SPATS2L: variants seen among roughly 807,000 people sequenced by gnomAD.
SPATS2L encodes spermatogenesis associated serine rich 2 like.
A neutral mutation model predicts 59.6 loss-of-function variants in SPATS2L; 30 were observed. That is an observed-to-expected ratio of 0.50 (90% CI 0.38 to 0.68). The LOEUF (loss-of-function observed/expected upper bound fraction) is 0.68, where lower values mean the gene tolerates loss of function less well. SPATS2L is among the 30% of genes least tolerant of loss of function. The pLI is 0.00. For missense variants in SPATS2L, 615 were observed against 700.0 expected, an observed-to-expected ratio of 0.88 and a Z score of 1.37; for synonymous variants, 252 against 263.5, an observed-to-expected ratio of 0.96 and a Z score of 0.42.
intron 12 of SPATS2L, 74 bp from the exon 13 acceptor site, chr2:200,477,562 G>T: frequency 1.0e-5 from 9 of 858,334 alleles, no homozygotes; most frequent in South Asian, 5.7e-5. Flanking sequence ...TTAGAGATTT[G>T]GTTTTCCTGA....
intron 8 of SPATS2L, among the ~76,000 whole-genome samples, chr2:200,456,599 A>G (rs1240053981): frequency 6.6e-6 from 1 of 152,210 alleles, no homozygotes; most frequent in Non-Finnish European, 1.5e-5. Flanking sequence ...TTGATCAACA[A>G]AAGTGTTACG....
intron 2 of SPATS2L, among the ~76,000 whole-genome samples, chr2:200,349,487 A>C (rs187353067): frequency 2.0e-5 from 3 of 152,334 alleles, no homozygotes; most frequent in Admixed American, 2.0e-4. Flanking sequence ...AGTACAAAAA[A>C]ATTAGCCGAA....
chr2:200,369,221 C>T (rs368525965), intron 2 of SPATS2L, among the ~76,000 whole-genome samples: 11 of 152,108 alleles, frequency 7.2e-5, no homozygotes, highest in African/African-American at 2.2e-4. Flanking sequence ...TGCAGTGGTG[C>T]GATCTCAGCC....
intron 8 of SPATS2L, among the ~76,000 whole-genome samples, chr2:200,458,733 TAA>T (rs71022320): frequency 1.2e-4 from 18 of 148,708 alleles, no homozygotes; most frequent in East Asian, 2.0e-4. Context: ...AACACACTGT[TAA>T]AAAAAAAAAA....
intron 1 of SPATS2L, among the ~76,000 whole-genome samples, chr2:200,321,913 A>T (rs1377066867): frequency 1.3e-5 from 2 of 152,188 alleles, no homozygotes; most frequent in African/African-American, 4.8e-5. Context: ...TCACAGAGAG[A>T]TAGTGGTGGT....
At chr2:200,460,669 T>G (rs1171076257) in intron 9 of SPATS2L, among the ~76,000 whole-genome samples, 5 of 150,986 alleles carry the variant, frequency 3.3e-5, no homozygotes, top group Non-Finnish European at 7.4e-5. Flanking sequence ...GAGAATGGTG[T>G]GAACCCGGGA....
chr2:200,387,604 G>A (rs934676098), intron 2 of SPATS2L, among the ~76,000 whole-genome samples: 1 of 152,130 alleles, frequency 6.6e-6, no homozygotes, highest in East Asian at 1.9e-4. Flanking sequence ...TATTTAAGAC[G>A]TAAGTGTAAA....
At chr2:200,444,063 G>A (rs954929906) in intron 8 of SPATS2L, among the ~76,000 whole-genome samples, 1 of 152,204 alleles carries the variant, frequency 6.6e-6, no homozygotes, top group African/African-American at 2.4e-5. Context: ...CTCTCACAAT[G>A]CATCTTAACA....
chr2:200,411,787 T>A (rs1214835325), intron 3 of SPATS2L, among the ~76,000 whole-genome samples: 3 of 152,226 alleles, frequency 2.0e-5, no homozygotes, highest in Admixed American at 2.0e-4. Flanking sequence ...GATTACCATT[T>A]CAAAAATACA....
chr2:200,417,842 G>A (rs1356643980), intron 5 of SPATS2L, among the ~76,000 whole-genome samples: 1 of 152,216 alleles, frequency 6.6e-6, no homozygotes, highest in Non-Finnish European at 1.5e-5. Flanking sequence ...CTGATGTTCA[G>A]CTGGCACGCA....
At chr2:200,377,769 C>A (rs1410732114) in intron 2 of SPATS2L, among the ~76,000 whole-genome samples, 3 of 152,108 alleles carry the variant, frequency 2.0e-5, no homozygotes, top group Non-Finnish European at 2.9e-5. Context: ...CCATTTAATG[C>A]AAAATTAGCT....
chr2:200,327,366 T>C lies in SPATS2L; in HGVS notation c.-72-2065T>C, dbSNP rs557750999. On this transcript the variant is annotated intron_variant, in intron 1 of 12. Transcript: ENST00000409140. ...TTGCAGTGAGCCAAGATCATGCCAC[T>C]GCACTCCAGCCTGGGTGACAGAGCG... is the stretch of plus-strand genomic sequence containing the variant. Among the ~76,000 whole-genome samples the C allele has an allele frequency of 2.6e-5, 4 of 151,736 alleles. No individual in the cohort carries two copies. In the South Asian group the frequency reaches 8.3e-4, roughly 32 times the overall value.
chr2:200,311,039 C>G (rs1307958540), intron 1 of SPATS2L, among the ~76,000 whole-genome samples: 1 of 152,164 alleles, frequency 6.6e-6, no homozygotes, highest in African/African-American at 2.4e-5. Flanking sequence ...TTCTGTCTAC[C>G]GGCCCTGGCC....
intron 3 of SPATS2L, among the ~76,000 whole-genome samples, chr2:200,409,259 C>T (rs1180842915): frequency 2.6e-5 from 4 of 152,238 alleles, no homozygotes; most frequent in African/African-American, 9.6e-5. Flanking sequence ...CATCCGTCCT[C>T]AGAAGCTTGG....
At chr2:200,375,665 A>G (rs1249072123) in intron 2 of SPATS2L, among the ~76,000 whole-genome samples, 1 of 152,198 alleles carries the variant, frequency 6.6e-6, no homozygotes, top group Non-Finnish European at 1.5e-5. Flanking sequence ...TTACTCTGTC[A>G]TCCAGGCTGG....
chr2:200,401,826 T>A (rs893102808), intron 3 of SPATS2L, among the ~76,000 whole-genome samples: 2 of 152,226 alleles, frequency 1.3e-5, no homozygotes, highest in African/African-American at 4.8e-5. Flanking sequence ...CTCAGTTTGA[T>A]GCTGATGGTG....
At chr2:200,328,367 G>A (rs1489557164) in intron 1 of SPATS2L, among the ~76,000 whole-genome samples, 1 of 152,186 alleles carries the variant, frequency 6.6e-6, no homozygotes, top group Non-Finnish European at 1.5e-5. Context: ...TTGGCTAAAT[G>A]AAGGGTTATA....
chr2:200,445,951 T>C (rs1425941148), intron 8 of SPATS2L, among the ~76,000 whole-genome samples: 1 of 152,216 alleles, frequency 6.6e-6, no homozygotes, highest in East Asian at 1.9e-4. Flanking sequence ...CATACCAAAG[T>C]ATATGTGTGT....
At chr2:200,394,994 T>C (rs1302756315) in intron 3 of SPATS2L, among the ~76,000 whole-genome samples, 1 of 152,170 alleles carries the variant, frequency 6.6e-6, no homozygotes, top group East Asian at 1.9e-4. Context: ...AACAAAATCT[T>C]TGGGCTAATC....
Sources: gnomAD v4.1 joint callset for allele counts (sites outside exome capture counted in the v4.1 genomes callset) on GRCh38, gnomAD v4.1.1 for gene constraint, MANE v1.5 for transcripts, NCBI Gene and HGNC (gene_info 2026-07-23, HGNC 2026-07-21) for gene names.